ARHGAP32: variants seen among roughly 807,000 people sequenced by gnomAD.
The protein encoded by ARHGAP32 is Rho GTPase activating protein 32, also known as rho GTPase-activating protein 32.
In ARHGAP32, 51 loss-of-function variants were observed where a neutral mutation model predicts 186.5. The observed-to-expected ratio is 0.27, with a 90% CI of 0.22 to 0.35. The LOEUF (loss-of-function observed/expected upper bound fraction) is 0.35, where lower values mean the gene tolerates loss of function less well. ARHGAP32 is among the 10% of genes least tolerant of loss of function. The pLI is 1.00. For missense variants in ARHGAP32, 2,186 were observed against 2,623.5 expected (o/e 0.83, Z 3.64); for synonymous variants, 950 against 964.3 (o/e 0.99, Z 0.27).
At chr11:129,238,996 G>A (rs369530477) in intron 1 of ARHGAP32, among the ~76,000 whole-genome samples, 11 of 151,920 alleles carry the variant, frequency 7.2e-5, no homozygotes, top group South Asian at 4.2e-4. Flanking sequence ...CACCATGCCC[G>A]TCTAATTTTG....
chr11:129,255,425 A>C (rs951970464), intron 1 of ARHGAP32, among the ~76,000 whole-genome samples: 3 of 152,086 alleles, frequency 2.0e-5, no homozygotes, highest in African/African-American at 7.2e-5. Flanking sequence ...TAAAACCATA[A>C]AGCTTTTACA....
chr11:129,077,669 C>G (rs560986197), intron 6 of ARHGAP32, among the ~76,000 whole-genome samples: 5 of 152,262 alleles, frequency 3.3e-5, no homozygotes, highest in African/African-American at 1.2e-4. Flanking sequence ...ATCCGCCTAA[C>G]GCTACCCCCA....
At chr11:129,263,140 A>C (rs1047057968) in intron 1 of ARHGAP32, among the ~76,000 whole-genome samples, 2 of 152,194 alleles carry the variant, frequency 1.3e-5, no homozygotes, top group Non-Finnish European at 2.9e-5. Flanking sequence ...GAAGTCTTAG[A>C]AGAAAACATA....
At chr11:129,164,683 T>C (rs778404875) in intron 1 of ARHGAP32, among the ~76,000 whole-genome samples, 1 of 152,198 alleles carries the variant, frequency 6.6e-6, no homozygotes, top group African/African-American at 2.4e-5. Flanking sequence ...ATGGTTATTA[T>C]ATAAAAACTG....
At chr11:129,082,968 T>C (rs1284970631) in intron 6 of ARHGAP32, among the ~76,000 whole-genome samples, 2 of 152,046 alleles carry the variant, frequency 1.3e-5, no homozygotes, top group Non-Finnish European at 2.9e-5. Context: ...AAAGAAGATA[T>C]ACAAATGGCC....
At chr11:129,119,951 T>C (rs1173930050) in intron 5 of ARHGAP32, among the ~76,000 whole-genome samples, 1 of 152,082 alleles carries the variant, frequency 6.6e-6, no homozygotes, top group Non-Finnish European at 1.5e-5. Context: ...CTGTAAATCC[T>C]TGTAGAGAAG....
chr11:129,125,104 T>C (rs1942630144), intron 2 of ARHGAP32, among the ~76,000 whole-genome samples: 1 of 152,122 alleles, frequency 6.6e-6, no homozygotes, highest in African/African-American at 2.4e-5. Context: ...ATAAGGGAAA[T>C]TTTTCTGTGA....
intron 1 of ARHGAP32, among the ~76,000 whole-genome samples, chr11:129,220,908 C>G (rs1280347694): frequency 6.6e-6 from 1 of 152,136 alleles, no homozygotes; most frequent in East Asian, 1.9e-4. Context: ...CATTACAATT[C>G]CCTAAGGAGC....
intron 1 of ARHGAP32, among the ~76,000 whole-genome samples, chr11:129,229,364 T>C (rs960677121): frequency 3.3e-5 from 5 of 152,040 alleles, no homozygotes; most frequent in Non-Finnish European, 7.4e-5. Flanking sequence ...TGAAAAAATA[T>C]ATACAAATTA....
chr11:128,973,529 G>A, intron 21 of ARHGAP32, 97 bp from the exon 22 acceptor site: 2 of 1,333,772 alleles, frequency 1.5e-6, no homozygotes, highest in Non-Finnish European at 2.1e-6. Flanking sequence ...TTAAAAAATA[G>A]GTGCCTTCCA....
intron 11 of ARHGAP32, chr11:129,023,978 A>G: frequency 1.0e-6 from 1 of 985,442 alleles, no homozygotes; most frequent in Non-Finnish European, 1.2e-6. Flanking sequence ...TAGAAAATAA[A>G]TCATAATCCA....
intron 6 of ARHGAP32, 24 bp from the exon 7 acceptor site, chr11:129,066,892 A>T: frequency 1.3e-6 from 2 of 1,565,884 alleles, no homozygotes; most frequent in South Asian, 2.3e-5. Flanking sequence ...AAAGAAACTC[A>T]TATAATTCAC....
rs34232507 is a variant in ARHGAP32 at position 128,969,183 on chromosome 11, G to A, written c.6030C>T (p.Asn2010=). The A allele has an allele frequency of 0.014, 21,855 of 1,613,662 alleles. 280 individuals carry two copies. The highest frequency in any genetic ancestry group is 0.044 in the African/African-American group (3,269 of 75,062). ...ACAGCACACTGGGGTCCCTCTCCACGTTCTGGGTATGATGGAGTTTGAGGC... is the reference window on the plus strand; with the variant it reads ...ACAGCACACTGGGGTCCCTCTCCACATTCTGGGTATGATGGAGTTTGAGGC... ...SHSLKLHHTQ[N]VERDPSVLYQ... The change falls in exon 23 of 23, where the codon AAC becomes AAT. Residue 2010 remains asparagine (N), a synonymous_variant. Transcript: ENST00000682385. The surrounding 1 kb of genome is among the most constrained non-coding windows in gnomAD (Gnocchi z 4.8).
At chr11:129,268,140 G>A (rs1424091044) in intron 1 of ARHGAP32, among the ~76,000 whole-genome samples, 1 of 152,164 alleles carries the variant, frequency 6.6e-6, no homozygotes, top group African/African-American at 2.4e-5. Context: ...AAAAATGTTA[G>A]GGATGGGCCT....
chr11:129,165,854 C>T (rs1371897558), intron 1 of ARHGAP32, among the ~76,000 whole-genome samples: 2 of 151,888 alleles, frequency 1.3e-5, no homozygotes, highest in Non-Finnish European at 2.9e-5. Context: ...ACTATGGAAA[C>T]ACAAGCCTCT....
At chr11:129,182,258 T>C (rs1287846474) in intron 1 of ARHGAP32, among the ~76,000 whole-genome samples, 1 of 152,128 alleles carries the variant, frequency 6.6e-6, no homozygotes, top group Non-Finnish European at 1.5e-5. Context: ...TCATTCTATA[T>C]ATGTACAAAT....
chr11:129,064,152 ACCATTTACTGGGT>A, intron 8 of ARHGAP32, 128 bp from the exon 9 acceptor site: 5 of 713,550 alleles, frequency 7.0e-6, no homozygotes, highest in Non-Finnish European at 1.1e-5. Flanking sequence ...AAAAAAAACT[ACCATTTACTGGGT>A]AGTAAAAATA....
intron 11 of ARHGAP32, among the ~76,000 whole-genome samples, chr11:129,000,255 G>A (rs1053880242): frequency 2.6e-5 from 4 of 152,010 alleles, no homozygotes; most frequent in African/African-American, 4.8e-5. Flanking sequence ...TAATTCCACC[G>A]ACTGATACAT....
chr11:129,091,474 GA>G (rs1207986416), intron 6 of ARHGAP32, among the ~76,000 whole-genome samples: 1 of 151,874 alleles, frequency 6.6e-6, no homozygotes, highest in Non-Finnish European at 1.5e-5. Context: ...CTTACAGAAA[GA>G]AAAAAGATCA....
Sources: gnomAD v4.1 joint callset for allele counts (sites outside exome capture counted in the v4.1 genomes callset) on GRCh38, gnomAD v4.1.1 for gene constraint, Gnocchi (gnomAD v3.1) non-coding constraint, MANE v1.5 for transcripts, NCBI Gene and HGNC (gene_info 2026-07-23, HGNC 2026-07-21) for gene names.